CCDC18: variants seen among roughly 807,000 people sequenced by gnomAD.
CCDC18 encodes coiled-coil domain containing 18.
In CCDC18, 157 loss-of-function variants were observed where a neutral mutation model predicts 196.0. The ratio of observed to expected loss-of-function variants is 0.80; its 90% CI spans 0.70 to 0.91. The LOEUF is 0.91. CCDC18 is among the 40% of genes least tolerant of loss of function. The pLI is 0.00. For missense variants in CCDC18, 1,465 were observed against 1,611.6 expected (o/e 0.91, Z 1.56); for synonymous variants, 482 against 529.2 (o/e 0.91, Z 1.22).
At chr1:93,180,161 A>C (rs1287518789), upstream of CCDC18, 1 of 1,613,328 alleles carries the variant, frequency 6.2e-7, no homozygotes, top group African/African-American at 1.3e-5. Flanking sequence ...GAAGGTGTGA[A>C]GCCGGCCGCC....
Position 93,212,173 on chromosome 1 carries a change from G to T in CCDC18, c.1407G>T (p.Gln469His). Residue 469 changes from glutamine (Q) to histidine (H), a missense_variant, in exon 11 of 29, where the codon CAG becomes CAT. By Grantham distance (24) the Gln-to-His change is conservative. Coordinates refer to ENST00000690025, the MANE Select transcript of CCDC18 (RefSeq NM_001378204.1). ...ACCTGACTGCAAATCAGTTATCTCA[G>T]AGTCTTATTACTTGTAATGACAGCC... ...HANLTANQLS[Q>H]SLITCNDSQE... 1 of 1,611,166 alleles carries T rather than the reference G, an allele frequency of 6.2e-7. No individual in the cohort carries two copies. The highest frequency in any genetic ancestry group is 8.5e-7 in the Non-Finnish European group (1 of 1,178,990).
At position 93,256,504 on chromosome 1, in the gene CCDC18, A is replaced by T. The variant is rs1356321014; in HGVS notation, c.3512A>T (p.Glu1171Val). ...AGAGAAATAGAAAGGCTCTCTAGTG[A>T]ACTGGAGGATATGAAGCAACTCTCT... ...AQREIERLSS[E>V]LEDMKQLSKE... Residue 1171 changes from glutamate to valine, a missense_variant, in exon 25 of 29, where the codon GAA becomes GTA. By Grantham distance (121) the Glu-to-Val change is moderately radical. Coordinates refer to ENST00000690025, the MANE Select transcript of CCDC18 (RefSeq NM_001378204.1). 1 of 1,613,974 alleles carries T rather than the reference A, an allele frequency of 6.2e-7. No individual in the cohort carries two copies. Among genetic ancestry groups the T allele is most frequent in the South Asian group, 1.1e-5 (1 of 91,078 alleles).
intron 23 of CCDC18, among the ~76,000 whole-genome samples, chr1:93,254,104 C>G (rs1195326684): frequency 6.6e-6 from 1 of 151,992 alleles, no homozygotes; most frequent in African/African-American, 2.4e-5. Context: ...ACAAAAAAGT[C>G]TTCTCTATTT....
At chr1:93,182,736 A>T (rs1449775818) in intron 1 of CCDC18, among the ~76,000 whole-genome samples, 1 of 152,138 alleles carries the variant, frequency 6.6e-6, no homozygotes, top group African/African-American at 2.4e-5. Flanking sequence ...TGTGGTTGTG[A>T]CTTGTAAATG....
chr1:93,272,772 G>C (rs1202519865), intron 28 of CCDC18, among the ~76,000 whole-genome samples: 1 of 152,202 alleles, frequency 6.6e-6, no homozygotes, highest in Admixed American at 6.5e-5. Flanking sequence ...AGGGAGATGT[G>C]ATGTCAAGGG....
chr1:93,227,858 T>C (rs532176771), intron 17 of CCDC18, among the ~76,000 whole-genome samples: 2 of 150,378 alleles, frequency 1.3e-5, no homozygotes, highest in East Asian at 3.9e-4. Flanking sequence ...CTCAGGAAGC[T>C]GAGATGGGAG....
At chr1:93,191,166 ATG>A in intron 4 of CCDC18, 1 of 455,888 alleles carries the variant, frequency 2.2e-6, no homozygotes, top group East Asian at 4.5e-5. Flanking sequence ...ATAACCCAAA[ATG>A]AAATTGAGTA....
intron 26 of CCDC18, among the ~76,000 whole-genome samples, chr1:93,261,532 C>T (rs1156897605): frequency 6.6e-6 from 1 of 151,934 alleles, no homozygotes; most frequent in East Asian, 1.9e-4. Flanking sequence ...TGTCAACATA[C>T]CTTTAACCTT....
intron 11 of CCDC18, among the ~76,000 whole-genome samples, chr1:93,212,799 G>A (rs949743386): frequency 3.9e-5 from 6 of 152,146 alleles, no homozygotes; most frequent in Non-Finnish European, 7.3e-5. Context: ...CAGGGTCAGG[G>A]TTGGTTTCAG....
chr1:93,184,571 G>A (rs1650299781), intron 3 of CCDC18, among the ~76,000 whole-genome samples: 1 of 151,182 alleles, frequency 6.6e-6, no homozygotes, highest in South Asian at 2.1e-4. Context: ...TATCTATTTT[G>A]TCAATGATGT....
chr1:93,217,512 A>G (rs1444180794), intron 13 of CCDC18, among the ~76,000 whole-genome samples: 1 of 152,152 alleles, frequency 6.6e-6, no homozygotes. Flanking sequence ...TGGCACAATC[A>G]TGGCTCACTA....
At chr1:93,237,288 C>T (rs948513599) in intron 19 of CCDC18, among the ~76,000 whole-genome samples, 6 of 152,222 alleles carry the variant, frequency 3.9e-5, no homozygotes, top group African/African-American at 1.4e-4. Context: ...CATGGCCTCA[C>T]CACTGGTGTC....
chr1:93,234,273 T>C (rs966468479), intron 18 of CCDC18, among the ~76,000 whole-genome samples: 3 of 152,070 alleles, frequency 2.0e-5, no homozygotes, highest in Non-Finnish European at 4.4e-5. Flanking sequence ...GTGATTCTCC[T>C]GCCTCAGCCT....
At position 93,239,522 on chromosome 1, in the gene CCDC18, C is replaced by T. The variant is rs570640543; in HGVS notation, c.2767+49C>T. ...TAGCTGCCTATGTATTTGTACTTAA[C>T]GAAGTGAAATAATGTGAGAATTTGA... On this transcript the variant is annotated intron_variant, in intron 20 of 28. Coordinates refer to ENST00000690025, the MANE Select transcript of CCDC18 (RefSeq NM_001378204.1). 19 of 1,546,572 alleles carry T rather than the reference C, an allele frequency of 1.2e-5. No homozygotes were observed. In the East Asian group the frequency reaches 2.0e-4, roughly 17 times the overall value.
At chr1:93,233,719 G>A (rs187163234) in intron 18 of CCDC18, among the ~76,000 whole-genome samples, 14 of 151,982 alleles carry the variant, frequency 9.2e-5, no homozygotes, top group African/African-American at 3.4e-4. Flanking sequence ...CCACCTCAGC[G>A]ACCTGAGTAG....
In CCDC18 at chr1:93,180,758, C is replaced by A; in HGVS notation, c.-97C>A. 7.3e-7 allele frequency: 1 copy of A among 1,367,308 alleles called. No homozygotes were observed. Among genetic ancestry groups the A allele is most frequent in the Non-Finnish European group, 9.8e-7 (1 of 1,021,734 alleles). 84.7% of individuals were successfully genotyped at this position (1,367,308 alleles called of 1,614,324 possible). A position where few individuals can be genotyped will look rare whatever the true frequency, so the allele number is the denominator to read the frequency against. On this transcript the variant is annotated 5_prime_UTR_variant, in exon 1 of 29. Coordinates refer to ENST00000690025, the MANE Select transcript of CCDC18 (RefSeq NM_001378204.1). The stretch of plus-strand genomic sequence containing the variant: ...TCTGTGCTGCCGGGGTTCGCTGGTT[C>A]TCCGAGTTGTGTCCGAGGCTTCCAC...
chr1:93,278,422 G>T, intron 28 of CCDC18, 41 bp from the exon 29 acceptor site: 1 of 848,166 alleles, frequency 1.2e-6, no homozygotes, highest in Non-Finnish European at 1.8e-6. Context: ...ATCAGTTTAG[G>T]AATATTTCAA....
At chr1:93,193,485 C>T (rs1652182367) in intron 5 of CCDC18, 131 bp from the exon 6 acceptor site, 1 of 545,870 alleles carries the variant, frequency 1.8e-6, no homozygotes, top group East Asian at 3.6e-5. Flanking sequence ...GCCTTTTTCT[C>T]TATCTCTTTT....
Position 93,258,100 on chromosome 1 carries a change from TA to T in CCDC18, c.3547-643del, listed in dbSNP as rs202003171. 5.9e-3 allele frequency among the ~76,000 whole-genome samples: 885 copies of T among 149,964 alleles called. 9 individuals are homozygous for T. Among genetic ancestry groups the T allele is most frequent in the African/African-American group, 0.012 (478 of 41,338 alleles). On this transcript the variant is annotated intron_variant, in intron 25 of 28. Coordinates refer to ENST00000690025, the MANE Select transcript of CCDC18 (RefSeq NM_001378204.1). ...ATTAAATTAATTAAAATTAAATTAA[TA>T]AAAATTAATTAATAATAATTAATTA...
Sources: gnomAD v4.1 joint callset for allele counts (sites outside exome capture counted in the v4.1 genomes callset) on GRCh38, gnomAD v4.1.1 for gene constraint, MANE v1.5 for transcripts, NCBI Gene and HGNC (gene_info 2026-07-23, HGNC 2026-07-21) for gene names.